The following PLXDC2 variants were observed in gnomAD, a reference collection of about 807,000 sequenced individuals.
The protein encoded by PLXDC2 is plexin domain containing 2, also known as plexin domain-containing protein 2.
A neutral mutation model predicts 68.9 loss-of-function variants in PLXDC2; 40 were observed. The observed-to-expected ratio is 0.58, with a 90% CI of 0.45 to 0.76. PLXDC2 has a LOEUF of 0.76. PLXDC2 is among the 30% of genes least tolerant of loss of function. The probability of loss-of-function intolerance (pLI) is 0.00; values close to 1 mark genes in which losing one functional copy is unlikely to be tolerated. For synonymous variants in PLXDC2, 243 were observed against 234.2 expected, an observed-to-expected ratio of 1.04 and a Z score of -0.34; for missense variants, 644 against 661.9, an observed-to-expected ratio of 0.97 and a Z score of 0.30.
intron 6 of PLXDC2, among the ~76,000 whole-genome samples, chr10:20,148,113 A>C (rs762225620): frequency 6.6e-6 from 1 of 152,168 alleles, no homozygotes; most frequent in African/African-American, 2.4e-5. Flanking sequence ...TATTGTTGGC[A>C]TCAGGACTCA....
intron 7 of PLXDC2, among the ~76,000 whole-genome samples, chr10:20,168,834 A>G (rs572816511): frequency 2.0e-5 from 3 of 152,312 alleles, no homozygotes; most frequent in African/African-American, 7.2e-5. Flanking sequence ...GAAAATTTAA[A>G]TTACTTAGAA....
intron 4 of PLXDC2, among the ~76,000 whole-genome samples, chr10:20,099,542 A>C (rs1833395257): frequency 6.6e-6 from 1 of 152,204 alleles, no homozygotes; most frequent in African/African-American, 2.4e-5. Flanking sequence ...TTTCAAAGTT[A>C]GTTTTTCTTT....
At position 19,917,593 on chromosome 10, in the gene PLXDC2, T is replaced by C. The variant is rs79603713; in HGVS notation, c.113-84182T>C. On this transcript the variant is annotated intron_variant, in intron 1 of 13. Coordinates refer to ENST00000377252, the MANE Select transcript of PLXDC2 (RefSeq NM_032812.9). ...ATGCAGTTTCTGGATTTTAAGCACA[T>C]ATGTTCAGTCTGAATTTCAATAACT... Among the ~76,000 whole-genome samples, 18 of 152,324 alleles carry C rather than the reference T, an allele frequency of 1.2e-4. No individual in the cohort carries two copies. In the East Asian group the frequency reaches 2.7e-3, roughly 23 times the overall value.
intron 9 of PLXDC2, among the ~76,000 whole-genome samples, chr10:20,199,747 G>A (rs964305928): frequency 2.6e-5 from 4 of 151,780 alleles, no homozygotes; most frequent in East Asian, 3.9e-4. Context: ...TATTTGGAAC[G>A]TTAGAATGTG....
chr10:19,972,657 T>A (rs1195315251), intron 1 of PLXDC2, among the ~76,000 whole-genome samples: 2 of 151,478 alleles, frequency 1.3e-5, no homozygotes, highest in South Asian at 2.1e-4. Flanking sequence ...AGAAAAAAAA[T>A]GATGTATCTG....
At chr10:19,960,267 G>C (rs1834135795) in intron 1 of PLXDC2, among the ~76,000 whole-genome samples, 2 of 151,566 alleles carry the variant, frequency 1.3e-5, no homozygotes, top group South Asian at 4.2e-4. Context: ...GGGAGGCTAA[G>C]ATGAGAGTAT....
At chr10:19,910,564 G>C (rs1211433238) in intron 1 of PLXDC2, among the ~76,000 whole-genome samples, 1 of 148,144 alleles carries the variant, frequency 6.8e-6, no homozygotes, top group African/African-American at 2.5e-5. Context: ...CCTGAGACTT[G>C]GAGAGACATC....
chr10:20,267,483 T>C (rs1332130230), intron 13 of PLXDC2, among the ~76,000 whole-genome samples: 2 of 152,148 alleles, frequency 1.3e-5, no homozygotes, highest in Non-Finnish European at 2.9e-5. Flanking sequence ...AACTATGTGA[T>C]TCTGGTCAAT....
intron 3 of PLXDC2, among the ~76,000 whole-genome samples, chr10:20,050,548 T>C (rs1835878901): frequency 6.6e-6 from 1 of 151,782 alleles, no homozygotes; most frequent in Non-Finnish European, 1.5e-5. Context: ...GGCAAAGACA[T>C]GAACAGACAC....
At chr10:19,870,935 C>T (rs561790141) in intron 1 of PLXDC2, among the ~76,000 whole-genome samples, 4 of 152,188 alleles carry the variant, frequency 2.6e-5, no homozygotes, top group Non-Finnish European at 4.4e-5. Flanking sequence ...GTAGATTCTG[C>T]GATTATCTCC....
At chr10:20,032,845 G>C (rs1025195179) in intron 2 of PLXDC2, among the ~76,000 whole-genome samples, 2 of 151,716 alleles carry the variant, frequency 1.3e-5, no homozygotes, top group African/African-American at 4.8e-5. Context: ...CCAAGCAGAG[G>C]ACTTGGGAAT....
intron 1 of PLXDC2, among the ~76,000 whole-genome samples, chr10:19,964,359 C>T (rs1464402382): frequency 1.3e-5 from 2 of 152,204 alleles, no homozygotes; most frequent in East Asian, 1.9e-4. Context: ...TGATGTTCCT[C>T]AGTCCTTTAT....
At chr10:20,221,159 G>A (rs1165242611) in intron 12 of PLXDC2, among the ~76,000 whole-genome samples, 1 of 151,886 alleles carries the variant, frequency 6.6e-6, no homozygotes, top group East Asian at 1.9e-4. Flanking sequence ...TTTTTTATGA[G>A]TAGTATGTCA....
chr10:20,216,138 A>T (rs1302187661), intron 10 of PLXDC2, among the ~76,000 whole-genome samples: 1 of 152,180 alleles, frequency 6.6e-6, no homozygotes, highest in African/African-American at 2.4e-5. Context: ...AAATAGAGCA[A>T]GATGCTTGAA....
chr10:19,891,855 C>A (rs1837969690), intron 1 of PLXDC2, among the ~76,000 whole-genome samples: 1 of 152,166 alleles, frequency 6.6e-6, no homozygotes. Context: ...TGTGAAATTG[C>A]TTCTTTGATT....
At chr10:20,007,475 G>T (rs933609548) in intron 2 of PLXDC2, among the ~76,000 whole-genome samples, 19 of 152,174 alleles carry the variant, frequency 1.2e-4, no homozygotes, top group Admixed American at 3.3e-4. Flanking sequence ...CCACTCTTGG[G>T]ACATTGAAAG....
chr10:20,027,094 C>T (rs12256176), intron 2 of PLXDC2, among the ~76,000 whole-genome samples: 7,538 of 106,920 alleles, frequency 0.071, 412 homozygotes, highest in African/African-American at 0.19. Flanking sequence ...ATATAGAATA[C>T]ACTTTTATAA....
intron 2 of PLXDC2, among the ~76,000 whole-genome samples, chr10:20,041,359 T>C (rs949739191): frequency 6.6e-6 from 1 of 152,164 alleles, no homozygotes; most frequent in Non-Finnish European, 1.5e-5. Context: ...ACATTGTTAT[T>C]ATCAGATATT....
At position 20,280,458 on chromosome 10, in the gene PLXDC2, T is replaced by G. The variant is rs147687025; in HGVS notation, c.*639T>G. 6.6e-6 allele frequency: 1 copy of G among 152,358 alleles called. No individual in the cohort carries two copies. Among genetic ancestry groups the G allele is most frequent in the Non-Finnish European group, 1.5e-5 (1 of 68,048 alleles). The allele number at this position is 152,358 out of a possible 1,614,324, so 9.4% of individuals were successfully genotyped here. A position where few individuals can be genotyped will look rare whatever the true frequency, so the allele number is the denominator to read the frequency against. The stretch of plus-strand genomic sequence containing the variant: ...GAATCTTTTTATCCGTACAGGAGGT[T>G]CAAACCATGTCTGCCTCTTCCTTTG... On this transcript the variant is annotated 3_prime_UTR_variant, in exon 14 of 14. Coordinates refer to ENST00000377252, the MANE Select transcript of PLXDC2 (RefSeq NM_032812.9).
Sources: gnomAD v4.1 joint callset for allele counts (sites outside exome capture counted in the v4.1 genomes callset) on GRCh38, gnomAD v4.1.1 for gene constraint, MANE v1.5 for transcripts, NCBI Gene and HGNC (gene_info 2026-07-23, HGNC 2026-07-21) for gene names.